The following TBXAS1 variants were observed in gnomAD, a reference collection of about 807,000 sequenced individuals.
TBXAS1 encodes the protein thromboxane-A synthase.
TBXAS1 carries 48 observed loss-of-function variants against 60.7 expected under a neutral mutation model. The observed-to-expected ratio is 0.79, with a 90% CI of 0.63 to 1.01. The LOEUF (loss-of-function observed/expected upper bound fraction) is 1.01. TBXAS1 is among the 50% of genes least tolerant of loss of function. TBXAS1 has a pLI of 0.00. For synonymous variants in TBXAS1, 287 were observed against 269.7 expected (o/e 1.06, Z -0.63); for missense variants, 685 against 686.3 (o/e 1.00, Z 0.02).
At chr7:139,815,133 A>G (rs1798113646) in intron 4 of TBXAS1, among the ~76,000 whole-genome samples, 2 of 152,238 alleles carry the variant, frequency 1.3e-5, no homozygotes, top group Non-Finnish European at 2.9e-5. Flanking sequence ...ATGTAAGAGA[A>G]TGTAAATTTA....
chr7:139,794,043 T>C (rs1797474529), intron 4 of TBXAS1, among the ~76,000 whole-genome samples: 1 of 151,962 alleles, frequency 6.6e-6, no homozygotes, highest in South Asian at 2.1e-4. Context: ...GGTGTGTGTA[T>C]GGTGCACGTG....
At chr7:139,939,694 A>G (rs985542048) in intron 5 of TBXAS1, among the ~76,000 whole-genome samples, 26 of 152,032 alleles carry the variant, frequency 1.7e-4, no homozygotes, top group African/African-American at 6.3e-4. Flanking sequence ...TCTTCAAAAC[A>G]CAGAGACGTG....
At chr7:139,863,923 T>A (rs1028597644) in intron 1 of TBXAS1, among the ~76,000 whole-genome samples, 7 of 152,138 alleles carry the variant, frequency 4.6e-5, no homozygotes, top group African/African-American at 1.7e-4. Flanking sequence ...GAAGGAAATA[T>A]CTTCAACCCA....
chr7:139,979,983 C>G (rs564662938), intron 9 of TBXAS1, among the ~76,000 whole-genome samples: 1 of 151,604 alleles, frequency 6.6e-6, no homozygotes, highest in East Asian at 1.9e-4. Flanking sequence ...CTATTTATTC[C>G]GTCGCCTGGG....
chr7:139,887,744 A>G (rs1456338068), intron 3 of TBXAS1, among the ~76,000 whole-genome samples: 3 of 152,216 alleles, frequency 2.0e-5, no homozygotes, highest in African/African-American at 4.8e-5. Context: ...GGATGTGGAA[A>G]TACCTCTTTG....
intron 9 of TBXAS1, among the ~76,000 whole-genome samples, chr7:139,985,306 C>T (rs1347893109): frequency 6.6e-6 from 1 of 152,228 alleles, no homozygotes; most frequent in East Asian, 1.9e-4. Flanking sequence ...CCCATCCACC[C>T]CCCACCCCTC....
intron 9 of TBXAS1, among the ~76,000 whole-genome samples, chr7:139,987,632 C>T (rs1046886583): frequency 6.6e-6 from 1 of 152,184 alleles, no homozygotes; most frequent in Non-Finnish European, 1.5e-5. Flanking sequence ...GTTGTCAGGA[C>T]CCCCGACCCT....
intron 3 of TBXAS1, among the ~76,000 whole-genome samples, chr7:139,905,003 CTCTCTTTCTT>C (rs1804887878): frequency 3.3e-4 from 29 of 88,172 alleles, no homozygotes; most frequent in African/African-American, 1.4e-3. Flanking sequence ...TTCTCTCTTT[CTCTCTTTCTT>C]TCTTTCTTTC....
intron 1 of TBXAS1, among the ~76,000 whole-genome samples, chr7:139,859,017 C>T (rs537851075): frequency 2.2e-4 from 33 of 151,734 alleles, no homozygotes; most frequent in Admixed American, 2.0e-3. Flanking sequence ...TACAGGCATG[C>T]GCCAGAATTA....
chr7:139,946,590 T>C (rs955756271), intron 5 of TBXAS1, among the ~76,000 whole-genome samples: 1 of 152,122 alleles, frequency 6.6e-6, no homozygotes, highest in African/African-American at 2.4e-5. Flanking sequence ...CAAGAACAGA[T>C]GGCTCCAATG....
intron 3 of TBXAS1, among the ~76,000 whole-genome samples, chr7:139,887,580 C>T (rs1803205430): frequency 6.6e-6 from 1 of 152,198 alleles, no homozygotes; most frequent in African/African-American, 2.4e-5. Context: ...CAAGGTTAAT[C>T]CATGTTGTAG....
chr7:139,812,468 C>A (rs949475549), intron 4 of TBXAS1, among the ~76,000 whole-genome samples: 1 of 152,160 alleles, frequency 6.6e-6, no homozygotes, highest in Admixed American at 6.5e-5. Context: ...TTCAGACAAA[C>A]ATAAGGAAGA....
chr7:139,993,218 C>T (rs945643736), intron 9 of TBXAS1, among the ~76,000 whole-genome samples: 6 of 151,984 alleles, frequency 3.9e-5, no homozygotes, highest in Non-Finnish European at 7.4e-5. Flanking sequence ...TCACGAGGTC[C>T]CCACTTACCC....
At position 140,017,839 on chromosome 7, in the gene TBXAS1, G is replaced by T. The variant is rs764387676; in HGVS notation, c.1527+6G>T. 2 of 1,614,044 alleles carry T rather than the reference G, an allele frequency of 1.2e-6. No individual in the cohort carries two copies. The highest frequency in any genetic ancestry group is 1.1e-5 in the South Asian group (1 of 91,086). ...AAGCCTGCCCTGAGACCCAGGTGAG[G>T]CCCCCCTGCTCAGAGGCAGGGGCAG... On this transcript the variant is annotated splice_donor_region_variant and intron_variant, in intron 12 of 12. Transcript: ENST00000448866.
rs1304307259 is a variant in TBXAS1 at position 140,020,131 on chromosome 7, C to A, written c.*32C>A. 1.9e-6 allele frequency: 3 copies of A among 1,607,160 alleles called. No homozygotes were observed. The highest frequency in any genetic ancestry group is 2.6e-6 in the Non-Finnish European group (3 of 1,173,930). ...AGGCTGCCGGGTGGGGGGAGGGCAC[C>A]CCCAAATTCAAAGAAAACCCTAAGT... On this transcript the variant is annotated 3_prime_UTR_variant, in exon 13 of 13. Transcript: ENST00000448866.
At position 139,961,880 on chromosome 7, in the gene TBXAS1, T is replaced by A. The variant is rs1810376445; in HGVS notation, c.820-39T>A. ...CAGGAAGCCTCACTCTTCATGACTG[T>A]AAGGTCAAAATGTGCATTTTTCTCC... On this transcript the variant is annotated intron_variant, in intron 8 of 12. Coordinates refer to ENST00000448866, the MANE Select transcript of TBXAS1 (RefSeq NM_001061.7). 4 of 1,613,372 alleles carry A rather than the reference T, an allele frequency of 2.5e-6. No individual in the cohort carries two copies. In the African/African-American group the frequency reaches 4.0e-5, roughly 16 times the overall value.
chr7:140,016,111 G>C (rs7791455), intron 11 of TBXAS1, among the ~76,000 whole-genome samples: 5 of 151,712 alleles, frequency 3.3e-5, no homozygotes, highest in Admixed American at 2.6e-4. Context: ...GGCAGATCAC[G>C]AGGTCAGGAG....
At chr7:139,821,863 C>T (rs569646672) in intron 4 of TBXAS1, among the ~76,000 whole-genome samples, 16 of 152,316 alleles carry the variant, frequency 1.1e-4, no homozygotes, top group South Asian at 2.1e-4. Flanking sequence ...AGGAGGTGGC[C>T]GTAATGACCA....
At chr7:139,835,103 G>T (rs951467091) in intron 1 of TBXAS1, among the ~76,000 whole-genome samples, 3 of 140,570 alleles carry the variant, frequency 2.1e-5, no homozygotes, top group Non-Finnish European at 4.5e-5. Flanking sequence ...GTCTTGCTCT[G>T]TCGCCCAGGC....
Sources: gnomAD v4.1 joint callset for allele counts (sites outside exome capture counted in the v4.1 genomes callset) on GRCh38, gnomAD v4.1.1 for gene constraint, MANE v1.5 for transcripts, NCBI Gene and HGNC (gene_info 2026-07-23, HGNC 2026-07-21) for gene names.